The following MICAL3 variants were observed in gnomAD, a reference collection of about 807,000 sequenced individuals.
MICAL3 encodes the protein [F-actin]-monooxygenase MICAL3.
A neutral mutation model predicts 207.4 loss-of-function variants in MICAL3; 62 were observed. The observed-to-expected ratio is 0.30, with a 90% CI of 0.24 to 0.37. The LOEUF (loss-of-function observed/expected upper bound fraction) is 0.37. MICAL3 is among the 10% of genes least tolerant of loss of function. The pLI is 1.00. For synonymous variants in MICAL3, 1,077 were observed against 1,069.3 expected (o/e 1.01, Z -0.14); for missense variants, 2,368 against 2,635.6 (o/e 0.90, Z 2.22).
At chr22:17,809,144 A>T (rs115038347) in intron 28 of MICAL3, among the ~76,000 whole-genome samples, 2 of 152,176 alleles carry the variant, frequency 1.3e-5, no homozygotes, top group African/African-American at 4.8e-5. Flanking sequence ...GGGCCTTGCT[A>T]GTTAGCATCA....
intron 1 of MICAL3, among the ~76,000 whole-genome samples, chr22:17,960,057 T>C (rs1443460525): frequency 6.6e-6 from 1 of 152,178 alleles, no homozygotes; most frequent in African/African-American, 2.4e-5. Context: ...CTCAGCCTCA[T>C]GGGGACACAG....
chr22:18,012,862 T>G (rs1923834673), intron 1 of MICAL3, among the ~76,000 whole-genome samples: 1 of 152,252 alleles, frequency 6.6e-6, no homozygotes. Flanking sequence ...GATGTCTGAC[T>G]GCATCAGCTC....
At chr22:17,859,955 C>G (rs558751021) in intron 19 of MICAL3, among the ~76,000 whole-genome samples, 1 of 152,362 alleles carries the variant, frequency 6.6e-6, no homozygotes, top group Non-Finnish European at 1.5e-5. Flanking sequence ...AGCCCCTACA[C>G]AGGAGTCCTC....
At chr22:17,999,849 A>G (rs950322366) in intron 1 of MICAL3, among the ~76,000 whole-genome samples, 1 of 152,234 alleles carries the variant, frequency 6.6e-6, no homozygotes, top group Non-Finnish European at 1.5e-5. Context: ...ATACACTATA[A>G]AAGAGATTTA....
At chr22:17,819,322 C>T (rs1295927621) in intron 25 of MICAL3, among the ~76,000 whole-genome samples, 193 bp from the exon 26 acceptor site, 2 of 152,178 alleles carry the variant, frequency 1.3e-5, no homozygotes, top group African/African-American at 4.8e-5. Context: ...GTGTTTAGAA[C>T]CTTAGAACCA....
intron 29 of MICAL3, among the ~76,000 whole-genome samples, chr22:17,791,854 G>A (rs181734308): frequency 6.6e-6 from 1 of 152,332 alleles, no homozygotes; most frequent in Non-Finnish European, 1.5e-5. Context: ...CTTAACTTGT[G>A]GCCTATCAAG....
At chr22:17,840,038 C>T (rs1006511299) in intron 20 of MICAL3, 1 of 144,652 alleles carries the variant, frequency 6.9e-6, no homozygotes, top group Non-Finnish European at 1.5e-5. Flanking sequence ...TCAAGTGATT[C>T]TCCTGTGTGA....
rs529352108 is a variant in MICAL3 at position 17,802,191 on chromosome 22, T to C, written c.5650+6653A>G. ...GATCCTCCCACCTTAGCCTCCCTAG[T>C]AGATGGAACTACAGGCACGTGCCAC... On this transcript the variant is annotated intron_variant, in intron 29 of 31. Transcript: ENST00000441493. 1.4e-4 allele frequency among the ~76,000 whole-genome samples: 22 copies of C among 152,136 alleles called. 1 individual carries two copies. The South Asian group carries it at 4.6e-3, about 32-fold the overall frequency.
chr22:17,900,816 A>AG lies in MICAL3; in HGVS notation c.847+25dup, dbSNP rs1356214035. 6.8e-6 allele frequency: 11 copies of AG among 1,610,410 alleles called. No individual in the cohort carries two copies. In the East Asian group the frequency reaches 2.5e-4, roughly 36 times the overall value. On this transcript the variant is annotated intron_variant, in intron 6 of 31. Transcript: ENST00000441493. The surrounding 1 kb of genome is among the most constrained non-coding windows in gnomAD (Gnocchi z 4.0). Reference sequence around the variant, plus strand: ...CAGGGACTATTTAAGTTTCTATCCTAGGGCTCCGGAGACATCAACACCAAC... The same window carrying AG: ...CAGGGACTATTTAAGTTTCTATCCTAGGGGCTCCGGAGACATCAACACCAAC...
intron 13 of MICAL3, 54 bp from the exon 14 acceptor site, chr22:17,887,489 T>A (rs1205070262): frequency 1.3e-5 from 16 of 1,251,714 alleles, no homozygotes; most frequent in African/African-American, 3.0e-5. Flanking sequence ...CGCCGCAAAA[T>A]CCTGACCAAA....
rs71966425 is a variant in MICAL3, at chr22:17,843,120, C to CAA, written c.2606-1105_2606-1104dup. ...TGGGTGACAAAGCGAGACTTCATCT[C>CAA]AAAAAAAAAAAAAAAAAAAAAAATC... On this transcript the variant is annotated intron_variant, in intron 19 of 31. Coordinates refer to ENST00000441493, the MANE Select transcript of MICAL3 (RefSeq NM_015241.3). Among the ~76,000 whole-genome samples, 264 of 62,408 alleles carry CAA rather than the reference C, an allele frequency of 4.2e-3. 21 individuals are homozygous for CAA. The highest frequency in any genetic ancestry group is 0.012 in the African/African-American group (194 of 16,094). The allele number at this position is 62,408 out of a possible 152,430, so 40.9% of individuals were successfully genotyped here.
intron 1 of MICAL3, among the ~76,000 whole-genome samples, chr22:17,975,747 A>G (rs1030448609): frequency 3.3e-5 from 5 of 151,994 alleles, no homozygotes; most frequent in Non-Finnish European, 7.4e-5. Context: ...TCTCCTGAAC[A>G]CCCTCCTGGC....
At chr22:17,894,936 A>T (rs1412966660) in intron 10 of MICAL3, among the ~76,000 whole-genome samples, 1 of 152,222 alleles carries the variant, frequency 6.6e-6, no homozygotes, top group East Asian at 1.9e-4. Context: ...AGACAATGTA[A>T]GTCACACGTG....
At chr22:17,979,569 A>G (rs1460055558) in intron 1 of MICAL3, among the ~76,000 whole-genome samples, 1 of 152,136 alleles carries the variant, frequency 6.6e-6, no homozygotes, top group Non-Finnish European at 1.5e-5. Context: ...AACGTTGGTA[A>G]AAAGAATAGA....
chr22:17,804,722 G>A (rs537979831), intron 29 of MICAL3, among the ~76,000 whole-genome samples: 44 of 152,282 alleles, frequency 2.9e-4, no homozygotes, highest in East Asian at 2.5e-3. Flanking sequence ...GCACTCGGCC[G>A]CCATGGTGTT....
chr22:17,951,272 C>G (rs35972244), intron 1 of MICAL3, among the ~76,000 whole-genome samples: 23,675 of 151,280 alleles, frequency 0.16, 2,191 homozygotes, highest in Middle Eastern at 0.25. Context: ...AGACAGGGAT[C>G]TGGACCCGGG....
intron 1 of MICAL3, among the ~76,000 whole-genome samples, chr22:17,970,244 T>C (rs1935339997): frequency 6.6e-6 from 1 of 152,230 alleles, no homozygotes; most frequent in South Asian, 2.1e-4. Flanking sequence ...TGTTGTTGAA[T>C]GGGATTTGAG....
At chr22:17,916,055 CAAAAAAAAA>C (rs755146574) in intron 1 of MICAL3, among the ~76,000 whole-genome samples, 15 of 57,834 alleles carry the variant, frequency 2.6e-4, no homozygotes, top group African/African-American at 5.7e-4. Flanking sequence ...GATCCAGTCT[CAAAAAAAAA>C]AAAAAAAAAA....
At chr22:17,791,598 A>T in intron 29 of MICAL3, 1 of 428,290 alleles carries the variant, frequency 2.3e-6, no homozygotes, top group South Asian at 3.0e-5. Flanking sequence ...TCTTAGGATG[A>T]CTTACATTGC....
Sources: gnomAD v4.1 joint callset for allele counts (sites outside exome capture counted in the v4.1 genomes callset) on GRCh38, gnomAD v4.1.1 for gene constraint, Gnocchi (gnomAD v3.1) non-coding constraint, MANE v1.5 for transcripts, NCBI Gene and HGNC (gene_info 2026-07-23, HGNC 2026-07-21) for gene names.